Variants in ERBB2 observed in about 807,000 individuals in gnomAD.
ERBB2 encodes the protein receptor tyrosine-protein kinase erbB-2.
Under a neutral mutation model 149.0 loss-of-function variants are expected in ERBB2, and 61 were observed. That is an observed-to-expected ratio of 0.41 (90% CI 0.33 to 0.51). The LOEUF is 0.51. Among genes scored for constraint, ERBB2 ranks in the 20% least tolerant of loss-of-function variants. The probability of loss-of-function intolerance (pLI) is 0.25; values close to 1 mark genes in which losing one functional copy is unlikely to be tolerated. For synonymous variants in ERBB2, 633 were observed against 678.8 expected (o/e 0.93, Z 1.05); for missense variants, 1,205 against 1,655.1 (o/e 0.73, Z 4.72).
At chr17:39,699,465 A>AC (rs1367815385), upstream of ERBB2, 1 of 1,385,106 alleles carries the variant, frequency 7.2e-7, no homozygotes, top group East Asian at 2.5e-5. Context: ...TCGTTTAAAA[A>AC]AAAAAAAAAG....
In ERBB2 at chr17:39,716,358, G is replaced by A. The variant is rs1176949914; in HGVS notation, c.1571G>A (p.Gly524Glu). The A allele has an allele frequency of 4.3e-6, 7 of 1,609,338 alleles. No individual in the cohort carries two copies. The South Asian group carries it at 6.6e-5, about 15-fold the overall frequency. The change falls in exon 13 of 27, where the codon GGG (glycine) becomes GAG (glutamate). Residue 524 changes from glycine (G) to glutamate (E), a missense_variant. Physicochemically the swap from Gly to Glu is moderately conservative, Grantham distance 98. Coordinates refer to ENST00000269571, the MANE Select transcript of ERBB2 (RefSeq NM_004448.4). ...GCCCGAGGGCACTGCTGGGGTCCAG[G>A]GCCCACCCAGTGTGTCAACTGCAGC... Reference protein sequence around the residue: ...LCARGHCWGPGPTQCVNCSQF... With the variant: ...LCARGHCWGPEPTQCVNCSQF...
intron 19 of ERBB2, 47 bp downstream of exon 19, chr17:39,724,057 T>A: frequency 7.3e-7 from 1 of 1,372,866 alleles, no homozygotes; most frequent in Non-Finnish European, 1.0e-6. Context: ...AAGGACCCCA[T>A]GGCTGCAGGT....
intron 7 of ERBB2, among the ~76,000 whole-genome samples, chr17:39,711,061 C>T (rs1457023392): frequency 1.3e-5 from 2 of 151,984 alleles, no homozygotes; most frequent in South Asian, 4.2e-4. Context: ...CACCATGCCT[C>T]GCTAAATTTT....
intron 2 of ERBB2, chr17:39,707,916 T>C (rs2058549288): frequency 6.2e-6 from 1 of 160,492 alleles, no homozygotes. Context: ...GGAGAATCAC[T>C]TGAACCTGGG....
At chr17:39,699,457 G>T, upstream of ERBB2, 2 of 1,224,580 alleles carry the variant, frequency 1.6e-6, no homozygotes, top group South Asian at 1.4e-5. Flanking sequence ...GCAAAAGTTC[G>T]TTTAAAAAAA....
At chr17:39,720,497 G>A (rs933740541) in intron 16 of ERBB2, among the ~76,000 whole-genome samples, 8 of 152,114 alleles carry the variant, frequency 5.3e-5, no homozygotes, top group African/African-American at 1.9e-4. Flanking sequence ...ACAGACTGGA[G>A]TCTGTCTTAG....
chr17:39,692,100 T>C (rs1005827503), upstream of ERBB2, among the ~76,000 whole-genome samples: 3 of 151,880 alleles, frequency 2.0e-5, no homozygotes, highest in Admixed American at 1.3e-4. Context: ...GTGATCCACC[T>C]GTCTCAGCCT....
intron 16 of ERBB2, among the ~76,000 whole-genome samples, chr17:39,722,912 C>T (rs532023518): frequency 3.3e-5 from 5 of 152,068 alleles, no homozygotes; most frequent in East Asian, 3.9e-4. Flanking sequence ...TTAGTAGAGA[C>T]GGGGGTTTCA....
upstream of ERBB2, among the ~76,000 whole-genome samples, chr17:39,692,666 A>G (rs1348250315): frequency 1.3e-5 from 2 of 151,916 alleles, no homozygotes; most frequent in Non-Finnish European, 2.9e-5. Flanking sequence ...CAGCCTCCCA[A>G]AGTGCTAGGA....
rs368616007 is a variant in ERBB2 at position 39,725,217 on chromosome 17, A to C, written c.2649+13A>C. 10 of 1,613,950 alleles carry C rather than the reference A, an allele frequency of 6.2e-6. No individual in the cohort carries two copies. In the African/African-American group the frequency reaches 1.3e-4, roughly 22 times the overall value. On this transcript the variant is annotated intron_variant, in intron 21 of 26. Coordinates refer to ENST00000269571, the MANE Select transcript of ERBB2 (RefSeq NM_004448.4). This position sits in a 1 kb window ranked among gnomAD's most constrained non-coding sequence, Gnocchi z 4.6. ...AGATGGGGGCAAGGTTAGGTGAAGGACCAAGGAGCAGAGGAGGCTGGGTGG... is the reference window on the plus strand; with the variant it reads ...AGATGGGGGCAAGGTTAGGTGAAGGCCCAAGGAGCAGAGGAGGCTGGGTGG...
chr17:39,700,171 A>ACCCCGCG lies in ERBB2; in HGVS notation c.-57_-51dup, dbSNP rs1035018877. On this transcript the variant is annotated 5_prime_UTR_variant, in exon 1 of 27. Transcript: ENST00000269571. ...GCGCCCGGCCCCCACCCCTCGCAGC[A>ACCCCGCG]CCCCGCGCCCCGCGCCCTCCCAGCC... 5 of 1,342,626 alleles carry ACCCCGCG rather than the reference A, an allele frequency of 3.7e-6. No individual in the cohort carries two copies. Among genetic ancestry groups the ACCCCGCG allele is most frequent in the African/African-American group, 1.5e-5 (1 of 65,048 alleles). The allele number at this position is 1,342,626 out of a possible 1,614,324, so 83.2% of individuals were successfully genotyped here. A position where few individuals can be genotyped will look rare whatever the true frequency, so the allele number is the denominator to read the frequency against.
upstream of ERBB2, among the ~76,000 whole-genome samples, chr17:39,693,969 T>C (rs1046270299): frequency 2.7e-5 from 4 of 148,718 alleles, no homozygotes; most frequent in Non-Finnish European, 4.5e-5. Flanking sequence ...GCAGATCACC[T>C]GAGGTCAGGA....
intron 15 of ERBB2, among the ~76,000 whole-genome samples, chr17:39,717,853 G>A (rs188490200): frequency 2.0e-5 from 3 of 151,340 alleles, no homozygotes; most frequent in East Asian, 3.9e-4. Context: ...TCACTCTGTC[G>A]CCCAGGCTGG....
rs762407538 is a variant in ERBB2, at chr17:39,723,353, A to G, written c.1981A>G (p.Ile661Val). The change falls in exon 17 of 27, where the codon ATT becomes GTT. Residue 661 changes from isoleucine (I) to valine (V), a missense_variant. Around this residue, in one of 6 missense-constraint regions of ERBB2, gnomAD observed 569 missense variants for 803.5 expected, o/e 0.71. Transcript: ENST00000269571. The surrounding 1 kb of genome is among the most constrained non-coding windows in gnomAD (Gnocchi z 6.2). The stretch of plus-strand genomic sequence containing the variant: ...GTCCATCATCTCTGCGGTGGTTGGC[A>G]TTCTGCTGGTCGTGGTCTTGGGGGT... The part of the protein sequence containing the change: ...LTSIISAVVG[I>V]LLVVVLGVVF... 1.7e-5 allele frequency: 28 copies of G among 1,612,606 alleles called. No individual in the cohort carries two copies. Among genetic ancestry groups the G allele is most frequent in the Non-Finnish European group, 2.2e-5 (26 of 1,179,504 alleles).
intron 7 of ERBB2, 37 bp from the exon 8 acceptor site, chr17:39,711,891 G>A (rs1252969757): frequency 1.4e-5 from 23 of 1,613,190 alleles, no homozygotes; most frequent in Non-Finnish European, 1.9e-5. Flanking sequence ...TGCACGAAGG[G>A]CCAGGGTATG....
At chr17:39,699,769 C>G (rs2057975693), upstream of ERBB2, among the ~76,000 whole-genome samples, 1 of 152,210 alleles carries the variant, frequency 6.6e-6, no homozygotes, top group Non-Finnish European at 1.5e-5. Context: ...GGGAATTTAT[C>G]CCGGACTCCG....
At chr17:39,703,310 G>A (rs1181658546) in intron 1 of ERBB2, 1 of 152,238 alleles carries the variant, frequency 6.6e-6, no homozygotes, top group East Asian at 1.9e-4. Context: ...CTTGGGTGAT[G>A]GAATGATCTG....
chr17:39,713,261 G>C (rs1459843336), intron 9 of ERBB2: 1 of 152,010 alleles, frequency 6.6e-6, no homozygotes, highest in Non-Finnish European at 1.5e-5. Context: ...TGAGTAGCTG[G>C]GACTACAGGT....
At chr17:39,715,403 C>T (rs767304477) in intron 10 of ERBB2, 43 bp from the exon 11 acceptor site, 1 of 1,613,366 alleles carries the variant, frequency 6.2e-7, no homozygotes, top group Admixed American at 1.7e-5. Flanking sequence ...GCTGGGAGTC[C>T]TTGTCCTGTC....
Sources: gnomAD v4.1 joint callset for allele counts (sites outside exome capture counted in the v4.1 genomes callset) on GRCh38, gnomAD v4.1.1 for gene constraint, gnomAD v4.1.1 regional missense constraint, Gnocchi (gnomAD v3.1) non-coding constraint, MANE v1.5 for transcripts, NCBI Gene and HGNC (gene_info 2026-07-23, HGNC 2026-07-21) for gene names.